Variants in USP12 observed in about 807,000 individuals in gnomAD.
USP12 encodes the protein ubiquitin carboxyl-terminal hydrolase 12.
A neutral mutation model predicts 45.5 loss-of-function variants in USP12; 19 were observed. That is an observed-to-expected ratio of 0.42 (90% CI 0.29 to 0.61). The LOEUF (loss-of-function observed/expected upper bound fraction) is 0.61, where lower values mean the gene tolerates loss of function less well. Ranked by LOEUF, USP12 falls within the 20% of genes least tolerant of loss-of-function variation. USP12 has a pLI of 0.22. For missense variants in USP12, 242 were observed against 447.7 expected, an observed-to-expected ratio of 0.54 and a Z score of 4.15; for synonymous variants, 149 against 148.8, an observed-to-expected ratio of 1.00 and a Z score of -0.01.
At chr13:27,165,501 A>C (rs978334852) in intron 1 of USP12, among the ~76,000 whole-genome samples, 1 of 152,150 alleles carries the variant, frequency 6.6e-6, no homozygotes, top group African/African-American at 2.4e-5. Context: ...AATCATGTTA[A>C]AGGGCAGTAA....
intron 3 of USP12, among the ~76,000 whole-genome samples, chr13:27,105,099 T>C (rs1482047481): frequency 6.6e-6 from 1 of 152,178 alleles, no homozygotes; most frequent in African/African-American, 2.4e-5. Flanking sequence ...AGTTATTTCA[T>C]AGGGTGATAA....
At position 27,076,269 on chromosome 13, in the gene USP12, T is replaced by A. The variant is rs556775329; in HGVS notation, c.735-881A>T. Reference sequence around the variant, plus strand: ...TGTATATCCTAGAAAGGGAGTAAAATAACCTGGAAACTTAGGAGTTAAGTT... The same window carrying A: ...TGTATATCCTAGAAAGGGAGTAAAAAAACCTGGAAACTTAGGAGTTAAGTT... On this transcript the variant is annotated intron_variant, in intron 6 of 8. Transcript: ENST00000282344. Among the ~76,000 whole-genome samples, 66 of 152,060 alleles carry A rather than the reference T, an allele frequency of 4.3e-4. 1 individual carries two copies. The highest frequency in any genetic ancestry group is 2.3e-3 in the Admixed American group (35 of 15,276).
chr13:27,155,066 C>CGTTTTTTT (rs1877758574), intron 1 of USP12, among the ~76,000 whole-genome samples: 1 of 57,616 alleles, frequency 1.7e-5, no homozygotes. Flanking sequence ...ATGTCCACAA[C>CGTTTTTTT]TTTTTTTTTT....
rs564435348 is a variant in USP12 at position 27,120,546 on chromosome 13, C to T, written c.49-3950G>A. ...GTGGGCGCCTGTAATTCCAGCTATTCAGGAGGCTGAGGCTGCAGTGAGTCA... is the reference window on the plus strand; with the variant it reads ...GTGGGCGCCTGTAATTCCAGCTATTTAGGAGGCTGAGGCTGCAGTGAGTCA... On this transcript the variant is annotated intron_variant, in intron 1 of 8. Transcript: ENST00000282344. Among the ~76,000 whole-genome samples, 7 of 151,462 alleles carry T rather than the reference C, an allele frequency of 4.6e-5. No individual in the cohort carries two copies. In the South Asian group the frequency reaches 1.5e-3, roughly 32 times the overall value.
intron 3 of USP12, among the ~76,000 whole-genome samples, chr13:27,099,429 G>T (rs1048556118): frequency 6.6e-6 from 1 of 152,026 alleles, no homozygotes; most frequent in Non-Finnish European, 1.5e-5. Context: ...CAAGCAATCT[G>T]CCTGTCTATT....
At chr13:27,120,344 C>T (rs1006387726) in intron 1 of USP12, among the ~76,000 whole-genome samples, 1 of 152,234 alleles carries the variant, frequency 6.6e-6, no homozygotes, top group Non-Finnish European at 1.5e-5. Flanking sequence ...AAAGAGAAGG[C>T]GTGATGGTGA....
At chr13:27,080,232 G>A (rs141647907) in intron 6 of USP12, among the ~76,000 whole-genome samples, 63 of 152,316 alleles carry the variant, frequency 4.1e-4, no homozygotes, top group African/African-American at 1.3e-3. Flanking sequence ...TTGCATGGGG[G>A]TGTGTGTGCC....
At chr13:27,074,932 C>T (rs1381462509) in intron 7 of USP12, among the ~76,000 whole-genome samples, 1 of 151,994 alleles carries the variant, frequency 6.6e-6, no homozygotes, top group African/African-American at 2.4e-5. Flanking sequence ...GAAAAACTAA[C>T]AGATCTCAAA....
At chr13:27,088,959 G>A (rs143018648) in intron 6 of USP12, among the ~76,000 whole-genome samples, 1 of 152,252 alleles carries the variant, frequency 6.6e-6, no homozygotes, top group Non-Finnish European at 1.5e-5. Context: ...AACACTGTAA[G>A]ATTCCTGTCC....
intron 1 of USP12, among the ~76,000 whole-genome samples, chr13:27,165,986 T>C (rs192152279): frequency 1.3e-5 from 2 of 152,220 alleles, no homozygotes; most frequent in East Asian, 1.9e-4. Context: ...CCAATAATCA[T>C]TTATAAACTA....
At chr13:27,135,818 GA>G (rs1227621639) in intron 1 of USP12, among the ~76,000 whole-genome samples, 1 of 152,158 alleles carries the variant, frequency 6.6e-6, no homozygotes, top group African/African-American at 2.4e-5. Context: ...CTTACTGCCA[GA>G]AGCTAGCTAG....
intron 2 of USP12, among the ~76,000 whole-genome samples, chr13:27,109,123 A>G (rs1221634262): frequency 6.6e-6 from 1 of 152,202 alleles, no homozygotes; most frequent in African/African-American, 2.4e-5. Context: ...TGATGAAGGA[A>G]GTTTCTGTTT....
At chr13:27,153,502 A>G (rs1295063190) in intron 1 of USP12, among the ~76,000 whole-genome samples, 2 of 152,226 alleles carry the variant, frequency 1.3e-5, no homozygotes, top group Admixed American at 1.3e-4. Context: ...AATGGGAATG[A>G]CAAGAGTGGA....
intron 1 of USP12, among the ~76,000 whole-genome samples, chr13:27,141,385 C>T (rs987830821): frequency 6.6e-6 from 1 of 152,150 alleles, no homozygotes; most frequent in African/African-American, 2.4e-5. Flanking sequence ...AACCATGACA[C>T]CTCTGTAGTA....
intron 1 of USP12, among the ~76,000 whole-genome samples, chr13:27,171,173 G>A (rs1484397299): frequency 1.3e-5 from 2 of 149,892 alleles, no homozygotes; most frequent in Middle Eastern, 3.3e-3. Flanking sequence ...CCTCCCCGAC[G>A]ACCCCGGCCC....
At chr13:27,161,583 C>G (rs1167385001) in intron 1 of USP12, among the ~76,000 whole-genome samples, 2 of 152,078 alleles carry the variant, frequency 1.3e-5, no homozygotes, top group Admixed American at 1.3e-4. Context: ...GTGTTTACTG[C>G]CATCAGAAGT....
chr13:27,114,416 G>A (rs910748392), intron 2 of USP12, among the ~76,000 whole-genome samples: 7 of 152,206 alleles, frequency 4.6e-5, no homozygotes, highest in African/African-American at 1.7e-4. Context: ...TGGCCTGTAA[G>A]TGGGATACTT....
chr13:27,142,913 T>G (rs1052750483), intron 1 of USP12, among the ~76,000 whole-genome samples: 1 of 152,014 alleles, frequency 6.6e-6, no homozygotes, highest in Non-Finnish European at 1.5e-5. Flanking sequence ...GCCGACATGG[T>G]GAAACCCCAT....
chr13:27,110,127 TAAA>T (rs1555234986), intron 2 of USP12, among the ~76,000 whole-genome samples: 6 of 119,630 alleles, frequency 5.0e-5, no homozygotes, highest in African/African-American at 9.6e-5. Context: ...CTTTTCCAGG[TAAA>T]AAAAAAAAAA....
Sources: allele counts gnomAD v4.1 joint callset (sites outside exome capture counted in the v4.1 genomes callset), GRCh38; gene constraint gnomAD v4.1.1; transcripts MANE v1.5; gene names NCBI Gene and HGNC (gene_info 2026-07-23, HGNC 2026-07-21).